The following UMPS variants were observed in gnomAD, a reference collection of about 807,000 sequenced individuals.
UMPS encodes the protein uridine 5'-monophosphate synthase.
In UMPS, 21 loss-of-function variants were observed where a neutral mutation model predicts 38.9. The ratio of observed to expected loss-of-function variants is 0.54; its 90% CI spans 0.38 to 0.78. The LOEUF (loss-of-function observed/expected upper bound fraction) is 0.78, where lower values mean the gene tolerates loss of function less well. UMPS is among the 30% of genes least tolerant of loss of function. The pLI, the probability that UMPS is intolerant of heterozygous loss-of-function variation, is 0.00. For synonymous variants in UMPS, 208 were observed against 219.3 expected, an observed-to-expected ratio of 0.95 and a Z score of 0.45; for missense variants, 533 against 591.6, an observed-to-expected ratio of 0.90 and a Z score of 1.03.
At chr3:124,735,714 C>T (rs1318714796) in intron 2 of UMPS, among the ~76,000 whole-genome samples, 1 of 152,300 alleles carries the variant, frequency 6.6e-6, no homozygotes, top group East Asian at 1.9e-4. Context: ...CCATGGCTCA[C>T]GCCTGTAATC....
rs980682265 is a variant in UMPS at position 124,748,812 on chromosome 3, G to A, written c.*4728G>A. On this transcript the variant is annotated 3_prime_UTR_variant, in exon 6 of 6. Transcript: ENST00000232607. Reference sequence around the variant, plus strand: ...GAGCCTGAGGTGGCCTGAGCTTCCTGTGGCTCCAGAGTAACATTATAGAGA... The same window carrying A: ...GAGCCTGAGGTGGCCTGAGCTTCCTATGGCTCCAGAGTAACATTATAGAGA... 13 of 398,228 alleles carry A rather than the reference G, an allele frequency of 3.3e-5. No homozygotes were observed. Among genetic ancestry groups the A allele is most frequent in the South Asian group, 7.5e-5 (4 of 53,468 alleles). The allele number at this position is 398,228 out of a possible 1,614,324, so 24.7% of individuals were successfully genotyped here.
At position 124,746,645 on chromosome 3, in the gene UMPS, C is replaced by G. The variant is rs1237470503; in HGVS notation, c.*2561C>G. On this transcript the variant is annotated 3_prime_UTR_variant, in exon 6 of 6. Transcript: ENST00000232607. ...GGTCTTAGTGGGGAATATAGGGACC[C>G]CATGTCTCCATGGGGTGCACAGAAT... The G allele has an allele frequency of 4.4e-6, 2 of 453,996 alleles. No homozygotes were observed. The highest frequency in any genetic ancestry group is 8.8e-6 in the Non-Finnish European group (2 of 226,772). 28.1% of individuals were successfully genotyped at this position (453,996 alleles called of 1,614,324 possible).
Position 124,745,959 on chromosome 3 carries a change from G to A in UMPS, c.*1875G>A, listed in dbSNP as rs1172771604. 2 of 454,108 alleles carry A rather than the reference G, an allele frequency of 4.4e-6. No individual in the cohort carries two copies. The highest frequency in any genetic ancestry group is 3.1e-5 in the South Asian group (2 of 64,468). The allele number at this position is 454,108 out of a possible 1,614,324, so 28.1% of individuals were successfully genotyped here. ...CCCGCAGCGTTTCTGACTCTGGGTA[G>A]CTCTGGGATGGGGCTTGAGAATTTG... is the stretch of plus-strand genomic sequence containing the variant. On this transcript the variant is annotated 3_prime_UTR_variant, in exon 6 of 6. Transcript: ENST00000232607.
chr3:124,742,761 A>G (rs1352559389), intron 5 of UMPS: 2 of 164,396 alleles, frequency 1.2e-5, no homozygotes, highest in Non-Finnish European at 2.7e-5. Context: ...CTGTGTGACC[A>G]CTTGATGGGG....
At chr3:124,738,306 A>C in intron 3 of UMPS, 67 bp downstream of exon 3, 1 of 1,540,042 alleles carries the variant, frequency 6.5e-7, no homozygotes, top group Non-Finnish European at 8.9e-7. Flanking sequence ...GAAAAAGGAA[A>C]TGCTCATGTC....
At position 124,744,284 on chromosome 3, in the gene UMPS, T is replaced by C. The variant is rs1344984203; in HGVS notation, c.*200T>C. The C allele has an allele frequency of 1.4e-5, 10 of 706,256 alleles. No individual in the cohort carries two copies. The highest frequency in any genetic ancestry group is 2.5e-6 in the Non-Finnish European group (1 of 404,614). 43.7% of individuals were successfully genotyped at this position (706,256 alleles called of 1,614,324 possible). A position where few individuals can be genotyped will look rare whatever the true frequency, so the allele number is the denominator to read the frequency against. ...ATCACCGCATTGATACTATAATAAGTTCATTCTTAAGCTTGCTTTTTTTGA... is the reference window on the plus strand; with the variant it reads ...ATCACCGCATTGATACTATAATAAGCTCATTCTTAAGCTTGCTTTTTTTGA... On this transcript the variant is annotated 3_prime_UTR_variant, in exon 6 of 6. Transcript: ENST00000232607.
At position 124,737,604 on chromosome 3, in the gene UMPS, G is replaced by A; in HGVS notation, c.347G>A (p.Gly116Glu). The A allele has an allele frequency of 6.2e-7, 1 of 1,614,152 alleles. No homozygotes were observed. The highest frequency in any genetic ancestry group is 8.5e-7 in the Non-Finnish European group (1 of 1,180,040). The change falls in exon 3 of 6, where the codon GGA becomes GAA. Residue 116 changes from glycine (G) to glutamate (E), a missense_variant. Gly to Glu is a moderately conservative substitution (Grantham distance 98). Transcript: ENST00000232607. ...KRLVEGTINP[G>E]ETCLIIEDVV... Reference sequence around the variant, plus strand: ...CTTGTAGAAGGAACTATTAATCCAGGAGAAACCTGTTTAATCATTGAAGAT... The same window carrying A: ...CTTGTAGAAGGAACTATTAATCCAGAAGAAACCTGTTTAATCATTGAAGAT...
At chr3:124,737,321 T>C in intron 2 of UMPS, 1 of 473,216 alleles carries the variant, frequency 2.1e-6, no homozygotes, top group Non-Finnish European at 3.8e-6. Context: ...GCAGTGTTTA[T>C]AATGTGAAAT....
At position 124,737,698 on chromosome 3, in the gene UMPS, T is replaced by C. The variant is rs886057871; in HGVS notation, c.441T>C (p.Thr147=). The C allele has an allele frequency of 1.2e-6, 2 of 1,614,228 alleles. No individual in the cohort carries two copies. The highest frequency in any genetic ancestry group is 1.1e-5 in the South Asian group (1 of 91,088). The part of the protein sequence containing the change: ...EVLQKEGLKV[T]DAIVLLDREQ... The stretch of plus-strand genomic sequence containing the variant: ...TTCAGAAGGAGGGCTTGAAGGTCAC[T>C]GATGCCATAGTGCTGTTGGACAGAG... The change falls in exon 3 of 6, where the codon ACT becomes ACC. Residue 147 remains threonine (T), a synonymous_variant. Coordinates refer to ENST00000232607, the MANE Select transcript of UMPS (RefSeq NM_000373.4).
intron 4 of UMPS, among the ~76,000 whole-genome samples, 183 bp downstream of exon 4, chr3:124,740,382 C>T (rs2063548456): frequency 6.6e-6 from 1 of 152,136 alleles, no homozygotes; most frequent in African/African-American, 2.4e-5. Flanking sequence ...CATTTTATAT[C>T]ATGTAGTGGA....
chr3:124,743,376 G>T lies in UMPS; in HGVS notation c.1274-539G>T, dbSNP rs984953719. ...AATAGGGCGGGGCGCAGTAGCTCAT[G>T]CCTGTAATCCCAGCACTTTGGGAGG... On this transcript the variant is annotated intron_variant, in intron 5 of 5. Transcript: ENST00000232607. Among the ~76,000 whole-genome samples the T allele has an allele frequency of 6.0e-5, 9 of 150,804 alleles. No individual in the cohort carries two copies. In the East Asian group the frequency reaches 1.6e-3, roughly 26 times the overall value.
chr3:124,747,298 T>A lies in UMPS; in HGVS notation c.*3214T>A, dbSNP rs1344384873. The A allele has an allele frequency of 4.4e-6, 2 of 455,166 alleles. No individual in the cohort carries two copies. Among genetic ancestry groups the A allele is most frequent in the Non-Finnish European group, 8.8e-6 (2 of 226,742 alleles). The allele number at this position is 455,166 out of a possible 1,614,324, so 28.2% of individuals were successfully genotyped here. A position where few individuals can be genotyped will look rare whatever the true frequency, so the allele number is the denominator to read the frequency against. On this transcript the variant is annotated 3_prime_UTR_variant, in exon 6 of 6. Coordinates refer to ENST00000232607, the MANE Select transcript of UMPS (RefSeq NM_000373.4). ...CCAGTTGCAGTGGTTGCCATCTGGG[T>A]CATCAGACCTGGCTGTCAGGGGTGC...
chr3:124,737,882 G>A lies in UMPS; in HGVS notation c.625G>A (p.Ala209Thr), dbSNP rs2063528575. The A allele has an allele frequency of 1.9e-6, 3 of 1,614,086 alleles. No homozygotes were observed. Among genetic ancestry groups the A allele is most frequent in the Non-Finnish European group, 2.5e-6 (3 of 1,180,042 alleles). Residue 209 changes from alanine (A) to threonine (T), a missense_variant, in exon 3 of 6, where the codon GCG (alanine) becomes ACG (threonine). Coordinates refer to ENST00000232607, the MANE Select transcript of UMPS (RefSeq NM_000373.4). ...TATTCAGGAGAATGTCTTTGTGGCA[G>A]CGAATCATAATGGTTCTCCCCTTTC... ...RFIQENVFVA[A>T]NHNGSPLSIK...
At chr3:124,741,281 A>T (rs2063555179) in intron 4 of UMPS, among the ~76,000 whole-genome samples, 1 of 152,120 alleles carries the variant, frequency 6.6e-6, no homozygotes, top group South Asian at 2.1e-4. Flanking sequence ...TGAATGTATC[A>T]ATGTGTGTCT....
Position 124,745,336 on chromosome 3 carries a change from C to T in UMPS, c.*1252C>T, listed in dbSNP as rs1203058999. 6.6e-6 allele frequency: 3 copies of T among 453,314 alleles called. No homozygotes were observed. Among genetic ancestry groups the T allele is most frequent in the Non-Finnish European group, 1.3e-5 (3 of 226,718 alleles). The allele number at this position is 453,314 out of a possible 1,614,324, so 28.1% of individuals were successfully genotyped here. A position where few individuals can be genotyped will look rare whatever the true frequency, so the allele number is the denominator to read the frequency against. Reference sequence around the variant, plus strand: ...CCCACCCTTGTCAGCTGATGGCCCACTGTTCTTTAATGACTCAGAGGAATG... The same window carrying T: ...CCCACCCTTGTCAGCTGATGGCCCATTGTTCTTTAATGACTCAGAGGAATG... On this transcript the variant is annotated 3_prime_UTR_variant, in exon 6 of 6. Transcript: ENST00000232607.
chr3:124,745,427 G>A lies in UMPS; in HGVS notation c.*1343G>A, dbSNP rs188789159. ...CGCCCAGGCTGGAGTTCAGTGGCAC[G>A]ATCTCGGCTCACTGCAACTTCTGCC... is the stretch of plus-strand genomic sequence containing the variant. On this transcript the variant is annotated 3_prime_UTR_variant, in exon 6 of 6. Coordinates refer to ENST00000232607, the MANE Select transcript of UMPS (RefSeq NM_000373.4). 2.2e-6 allele frequency: 1 copy of A among 453,180 alleles called. No homozygotes were observed. Among genetic ancestry groups the A allele is most frequent in the Non-Finnish European group, 4.4e-6 (1 of 226,652 alleles). 28.1% of individuals were successfully genotyped at this position (453,180 alleles called of 1,614,324 possible).
At chr3:124,733,733 G>A (rs1236750846) in intron 1 of UMPS, 1 of 153,602 alleles carries the variant, frequency 6.5e-6, no homozygotes, top group East Asian at 1.9e-4. Context: ...CACGATCATT[G>A]TTCCTTTCTT....
In UMPS at chr3:124,745,469, T is replaced by C; in HGVS notation, c.*1385T>C. 2.2e-6 allele frequency: 1 copy of C among 453,996 alleles called. No individual in the cohort carries two copies. Among genetic ancestry groups the C allele is most frequent in the Non-Finnish European group, 4.4e-6 (1 of 226,762 alleles). The allele number at this position is 453,996 out of a possible 1,614,324, so 28.1% of individuals were successfully genotyped here. A position where few individuals can be genotyped will look rare whatever the true frequency, so the allele number is the denominator to read the frequency against. On this transcript the variant is annotated 3_prime_UTR_variant, in exon 6 of 6. Transcript: ENST00000232607. ...ACTTCTGCCTCTCTGGTTCAAGCAG[T>C]TCTCCTGCCTCAGCCTCCCGAGTAG...
chr3:124,733,262 A>C (rs575151144), intron 1 of UMPS, among the ~76,000 whole-genome samples: 1 of 152,220 alleles, frequency 6.6e-6, no homozygotes, highest in Non-Finnish European at 1.5e-5. Context: ...ATCTGTTTTT[A>C]TCTCTCTGTC....
Sources: allele counts gnomAD v4.1 joint callset (sites outside exome capture counted in the v4.1 genomes callset), GRCh38; gene constraint gnomAD v4.1.1; transcripts MANE v1.5; gene names NCBI Gene and HGNC (gene_info 2026-07-23, HGNC 2026-07-21).